INTS9: variants seen among roughly 807,000 people sequenced by gnomAD.
INTS9 encodes protein related to CPSF subunits of 74 kDa.
A neutral mutation model predicts 79.7 loss-of-function variants in INTS9; 55 were observed. The ratio of observed to expected loss-of-function variants is 0.69; its 90% CI spans 0.56 to 0.86. INTS9 has a LOEUF of 0.86. Among genes scored for constraint, INTS9 ranks in the 40% least tolerant of loss-of-function variants. The probability of loss-of-function intolerance (pLI) is 0.00; values close to 1 mark genes in which losing one functional copy is unlikely to be tolerated. For synonymous variants in INTS9, 319 were observed against 325.2 expected, an observed-to-expected ratio of 0.98 and a Z score of 0.20; for missense variants, 721 against 831.5, an observed-to-expected ratio of 0.87 and a Z score of 1.64.
chr8:28,781,607 C>T (rs1803271803), intron 11 of INTS9, among the ~76,000 whole-genome samples: 1 of 152,106 alleles, frequency 6.6e-6, no homozygotes, highest in African/African-American at 2.4e-5. Context: ...TTATTCAGCC[C>T]TAAAAAAGAA....
intron 8 of INTS9, among the ~76,000 whole-genome samples, chr8:28,800,943 G>A (rs1379662964): frequency 6.6e-6 from 1 of 152,182 alleles, no homozygotes; most frequent in Non-Finnish European, 1.5e-5. Flanking sequence ...GAAACAGGTG[G>A]AGGGCCAGTA....
chr8:28,813,708 T>A, intron 6 of INTS9, 96 bp from the exon 7 acceptor site: 2 of 1,303,224 alleles, frequency 1.5e-6, no homozygotes, highest in Non-Finnish European at 2.2e-6. Context: ...CCAAATGGTT[T>A]AATTTACTGG....
At chr8:28,806,364 A>C (rs1444733618) in intron 8 of INTS9, among the ~76,000 whole-genome samples, 1 of 152,358 alleles carries the variant, frequency 6.6e-6, no homozygotes, top group Middle Eastern at 3.4e-3. Context: ...TGATTGATAA[A>C]ACACAATGAT....
At chr8:28,789,274 G>A (rs1803788811) in intron 10 of INTS9, among the ~76,000 whole-genome samples, 1 of 152,168 alleles carries the variant, frequency 6.6e-6, no homozygotes, top group Admixed American at 6.5e-5. Flanking sequence ...ATTACAATAT[G>A]ATTAGAGATT....
chr8:28,799,441 C>T (rs1424817656), intron 8 of INTS9: 3 of 152,170 alleles, frequency 2.0e-5, no homozygotes, highest in African/African-American at 4.8e-5. Flanking sequence ...CGAATGTCAC[C>T]GAGTTGGAAC....
intron 8 of INTS9, among the ~76,000 whole-genome samples, chr8:28,811,710 C>T (rs187302222): frequency 5.9e-5 from 9 of 152,264 alleles, no homozygotes; most frequent in African/African-American, 1.9e-4. Flanking sequence ...TATGAGCCAC[C>T]GCGCCCAGCC....
intron 7 of INTS9, among the ~76,000 whole-genome samples, chr8:28,812,932 C>T (rs1243382976): frequency 6.6e-6 from 1 of 152,178 alleles, no homozygotes; most frequent in African/African-American, 2.4e-5. Flanking sequence ...ACAAAGAAAG[C>T]AATCCTATAA....
chr8:28,818,843 C>G (rs1805658053), intron 6 of INTS9, among the ~76,000 whole-genome samples: 4 of 151,606 alleles, frequency 2.6e-5, no homozygotes, highest in Admixed American at 2.6e-4. Context: ...TGTTATTGGT[C>G]TATTCAGAGA....
At chr8:28,811,116 T>C (rs1477327639) in intron 8 of INTS9, among the ~76,000 whole-genome samples, 2 of 149,312 alleles carry the variant, frequency 1.3e-5, no homozygotes, top group African/African-American at 2.5e-5. Flanking sequence ...TTTTTCTTTT[T>C]TCTTTCTCTC....
chr8:28,885,853 G>T (rs1021240667), intron 1 of INTS9, among the ~76,000 whole-genome samples: 3 of 152,168 alleles, frequency 2.0e-5, no homozygotes, highest in Admixed American at 6.5e-5. Flanking sequence ...TAATTTAAAA[G>T]ATATATTTCT....
At chr8:28,822,533 C>T (rs909040222) in intron 6 of INTS9, among the ~76,000 whole-genome samples, 4 of 152,100 alleles carry the variant, frequency 2.6e-5, no homozygotes, top group African/African-American at 9.7e-5. Flanking sequence ...AAAAACAGTG[C>T]TGGCCTTAGT....
intron 4 of INTS9, among the ~76,000 whole-genome samples, chr8:28,846,017 G>C (rs1303523376): frequency 6.6e-6 from 1 of 152,142 alleles, no homozygotes; most frequent in African/African-American, 2.4e-5. Context: ...TGAATTTGTG[G>C]AACTATTTTC....
intron 12 of INTS9, among the ~76,000 whole-genome samples, chr8:28,779,868 C>T (rs1379639314): frequency 1.3e-5 from 2 of 152,012 alleles, no homozygotes; most frequent in Non-Finnish European, 2.9e-5. Flanking sequence ...ATTCCCAGCT[C>T]CTAAAGCTAG....
rs557006181 is a variant in INTS9, at chr8:28,779,190, G to A, written c.1271-1237C>T. 5.9e-5 allele frequency among the ~76,000 whole-genome samples: 9 copies of A among 152,296 alleles called. No individual in the cohort carries two copies. The South Asian group carries it at 1.4e-3, about 25-fold the overall frequency. ...GCCCCACTACATAGGACATTCTCTG[G>A]ACAACCTCCTAATTAATGAAATCTT... On this transcript the variant is annotated intron_variant, in intron 12 of 16. Transcript: ENST00000521022.
intron 1 of INTS9, among the ~76,000 whole-genome samples, chr8:28,877,780 T>A (rs1809476822): frequency 2.0e-5 from 3 of 152,318 alleles, no homozygotes. Flanking sequence ...ATGTTTTAAA[T>A]CAACAACAAA....
intron 1 of INTS9, among the ~76,000 whole-genome samples, chr8:28,877,137 T>C (rs1284807000): frequency 6.6e-6 from 1 of 152,092 alleles, no homozygotes; most frequent in Non-Finnish European, 1.5e-5. Context: ...AAAATAAATG[T>C]CTGAGAGCAG....
intron 4 of INTS9, among the ~76,000 whole-genome samples, chr8:28,843,645 A>G (rs1807324054): frequency 6.6e-6 from 1 of 152,186 alleles, no homozygotes; most frequent in Non-Finnish European, 1.5e-5. Context: ...TGTATTTCAC[A>G]AGAAGTACAA....
intron 8 of INTS9, among the ~76,000 whole-genome samples, chr8:28,808,220 G>GTC: frequency 6.8e-6 from 1 of 146,322 alleles, no homozygotes; most frequent in South Asian, 2.1e-4. Flanking sequence ...TTGAGACGGA[G>GTC]TCTCTCTCTG....
intron 1 of INTS9, among the ~76,000 whole-genome samples, chr8:28,876,756 A>G (rs1474601309): frequency 6.6e-6 from 1 of 152,186 alleles, no homozygotes; most frequent in East Asian, 1.9e-4. Context: ...GGGTATTAAA[A>G]ATTAAAATTC....
Sources: allele counts gnomAD v4.1 joint callset (sites outside exome capture counted in the v4.1 genomes callset), GRCh38; gene constraint gnomAD v4.1.1; transcripts MANE v1.5; gene names NCBI Gene and HGNC (gene_info 2026-07-23, HGNC 2026-07-21).